The following CHN2 variants were observed in gnomAD, a reference collection of about 807,000 sequenced individuals.
The protein encoded by CHN2 is beta-chimaerin.
A neutral mutation model predicts 56.3 loss-of-function variants in CHN2; 35 were observed. The ratio of observed to expected loss-of-function variants is 0.62; its 90% CI spans 0.47 to 0.82. The LOEUF is 0.82. Ranked by LOEUF, CHN2 falls within the 40% of genes least tolerant of loss-of-function variation. The probability of loss-of-function intolerance (pLI) is 0.00; values close to 1 mark genes in which losing one functional copy is unlikely to be tolerated. For missense variants in CHN2, 491 were observed against 580.5 expected, an observed-to-expected ratio of 0.85 and a Z score of 1.58; for synonymous variants, 210 against 212.8, an observed-to-expected ratio of 0.99 and a Z score of 0.12.
chr7:29,302,267 C>CTCTTCTTCCTCCTCCTCT (rs1554396364), intron 1 of CHN2, among the ~76,000 whole-genome samples: 5 of 81,296 alleles, frequency 6.2e-5, no homozygotes, highest in Non-Finnish European at 1.0e-4. Context: ...CTGCTTCTCC[C>CTCTTCTTCCTCCTCCTCT]TCTTCTTCCT....
At chr7:29,160,702 T>C (rs1795056358) in intron 2 of CHN2, among the ~76,000 whole-genome samples, 1 of 152,166 alleles carries the variant, frequency 6.6e-6, no homozygotes, top group South Asian at 2.1e-4. Context: ...GGTAGCCATC[T>C]TGTGACCATG....
intron 6 of CHN2, chr7:29,445,250 C>T (rs1440729905): frequency 6.9e-6 from 3 of 437,130 alleles, no homozygotes; most frequent in South Asian, 4.9e-5. Context: ...AACCCTACCT[C>T]CTAGCCAGAC....
intron 1 of CHN2, among the ~76,000 whole-genome samples, chr7:29,255,411 A>G (rs1331749665): frequency 1.3e-5 from 2 of 152,150 alleles, no homozygotes; most frequent in Non-Finnish European, 2.9e-5. Flanking sequence ...AATAATCACG[A>G]GGCAAGGAGG....
At chr7:29,240,627 G>A (rs545372737) in intron 1 of CHN2, among the ~76,000 whole-genome samples, 53 of 152,064 alleles carry the variant, frequency 3.5e-4, no homozygotes, top group Non-Finnish European at 6.5e-4. Flanking sequence ...CAGCCTCTTG[G>A]AGGAGACAAA....
chr7:29,187,866 A>G (rs1415777554), intron 2 of CHN2, among the ~76,000 whole-genome samples: 1 of 152,266 alleles, frequency 6.6e-6, no homozygotes, highest in Non-Finnish European at 1.5e-5. Context: ...TGTTGGGCAT[A>G]CATTCATTTA....
intron 3 of CHN2, among the ~76,000 whole-genome samples, chr7:29,381,695 G>A (rs575190174): frequency 2.7e-4 from 41 of 151,438 alleles, no homozygotes; most frequent in African/African-American, 9.7e-4. Context: ...ATCACCTGTG[G>A]AGCCTGGCAA....
intron 1 of CHN2, chr7:29,212,824 C>T: frequency 6.2e-7 from 1 of 1,607,956 alleles, no homozygotes; most frequent in South Asian, 1.1e-5. Context: ...CTACCTACCC[C>T]AGCCACTACT....
Position 29,199,516 on chromosome 7 carries a change from A to T in CHN2, c.49+4526A>T, listed in dbSNP as rs570472308. ...AAGACTTGATTGCCTTTTTTATTTT[A>T]AATCACACGTGCACAAATTGTGATT... On this transcript the variant is annotated intron_variant, in intron 1 of 12. Coordinates refer to ENST00000222792, the MANE Select transcript of CHN2 (RefSeq NM_004067.4). The T allele has an allele frequency of 2.0e-5, 3 of 152,328 alleles. No homozygotes were observed. The East Asian group carries it at 5.8e-4, about 29-fold the overall frequency. The allele number at this position is 152,328 out of a possible 1,614,324, so 9.4% of individuals were successfully genotyped here. A position where few individuals can be genotyped will look rare whatever the true frequency, so the allele number is the denominator to read the frequency against.
At chr7:29,479,674 CTT>C in intron 6 of CHN2, 2 of 1,038,838 alleles carry the variant, frequency 1.9e-6, no homozygotes, top group Non-Finnish European at 2.3e-6. Context: ...CAGCCTCAGA[CTT>C]TGAACGTCAG....
At chr7:29,413,371 G>A (rs867405316) in intron 6 of CHN2, among the ~76,000 whole-genome samples, 8 of 152,198 alleles carry the variant, frequency 5.3e-5, no homozygotes, top group East Asian at 1.9e-4. Flanking sequence ...TGGGCTATGC[G>A]TGTCCCAACA....
rs1254380789 is a variant in CHN2, at chr7:29,512,538, C to G, written c.1236-26C>G. The G allele has an allele frequency of 2.5e-6, 4 of 1,587,402 alleles. No individual in the cohort carries two copies. The South Asian group carries it at 3.4e-5, about 14-fold the overall frequency. On this transcript the variant is annotated intron_variant, in intron 12 of 12. Coordinates refer to ENST00000222792, the MANE Select transcript of CHN2 (RefSeq NM_004067.4). The stretch of plus-strand genomic sequence containing the variant: ...ATCAATCCTCAAGTCTCCATAATGT[C>G]TCTGTTCTATATGTTTGTTTTGCAG...
intron 7 of CHN2, chr7:29,484,053 A>G: frequency 2.1e-6 from 1 of 473,742 alleles, no homozygotes; most frequent in Non-Finnish European, 4.2e-6. Context: ...TAGCTTTTTC[A>G]GTCTTTTATT....
At chr7:29,462,957 C>T (rs1315899361) in intron 6 of CHN2, among the ~76,000 whole-genome samples, 1 of 127,686 alleles carries the variant, frequency 7.8e-6, no homozygotes, top group African/African-American at 3.1e-5. Context: ...ACAAGTTTAT[C>T]CGGGTTCCCA....
Position 29,273,369 on chromosome 7 carries a change from A to ATGTG in CHN2, c.49+78380_49+78381insGTGT, listed in dbSNP as rs1399233336. Among the ~76,000 whole-genome samples, 24 of 48,568 alleles carry ATGTG rather than the reference A, an allele frequency of 4.9e-4. 1 individual carries two copies. Among genetic ancestry groups the ATGTG allele is most frequent in the South Asian group, 7.5e-4 (1 of 1,332 alleles). 31.9% of individuals were successfully genotyped at this position (48,568 alleles called of 152,430 possible). On this transcript the variant is annotated intron_variant, in intron 1 of 12. Coordinates refer to ENST00000222792, the MANE Select transcript of CHN2 (RefSeq NM_004067.4). ...TATATATATATATATATATATATATATATATATATATATATATATACACAC... is the reference window on the plus strand; with the variant it reads ...TATATATATATATATATATATATATATGTGTATATATATATATATATATACACAC...
chr7:29,321,570 CTTTT>C (rs59651474), intron 1 of CHN2, among the ~76,000 whole-genome samples: 4 of 128,180 alleles, frequency 3.1e-5, no homozygotes, highest in South Asian at 2.6e-4. Flanking sequence ...TTCTTTCTTT[CTTTT>C]TTTTTTTTTT....
intron 2 of CHN2, among the ~76,000 whole-genome samples, chr7:29,357,449 G>T (rs148737539): frequency 6.6e-6 from 1 of 152,110 alleles, no homozygotes; most frequent in Non-Finnish European, 1.5e-5. Context: ...ATGAATTATC[G>T]AGCTCATGCT....
At chr7:29,197,501 C>G (rs1341432759) in intron 1 of CHN2, among the ~76,000 whole-genome samples, 1 of 152,158 alleles carries the variant, frequency 6.6e-6, no homozygotes, top group African/African-American at 2.4e-5. Context: ...GTATTTAGCA[C>G]AGGGCCTAGC....
chr7:29,485,467 A>G (rs1787850545), intron 7 of CHN2, among the ~76,000 whole-genome samples: 1 of 152,202 alleles, frequency 6.6e-6, no homozygotes. Context: ...GAGCATTCAA[A>G]GAGGAGGGGG....
chr7:29,260,882 C>T (rs1789484648), intron 1 of CHN2, among the ~76,000 whole-genome samples: 1 of 152,196 alleles, frequency 6.6e-6, no homozygotes, highest in Admixed American at 6.5e-5. Context: ...ACATGTAATT[C>T]ACAGCTCTTT....
Sources: gnomAD v4.1 joint callset for allele counts (sites outside exome capture counted in the v4.1 genomes callset) on GRCh38, gnomAD v4.1.1 for gene constraint, MANE v1.5 for transcripts, NCBI Gene and HGNC (gene_info 2026-07-23, HGNC 2026-07-21) for gene names.